Variants in RNF144B observed in about 807,000 individuals in gnomAD.
The protein encoded by RNF144B is ring finger protein 144B.
A neutral mutation model predicts 40.2 loss-of-function variants in RNF144B; 25 were observed. The observed-to-expected ratio is 0.62, with a 90% confidence interval of 0.45 to 0.87. The LOEUF (loss-of-function observed/expected upper bound fraction) is 0.87. Among genes scored for constraint, RNF144B ranks in the 40% least tolerant of loss-of-function variants. The pLI is 0.00. For missense variants in RNF144B, 365 were observed against 373.7 expected, an observed-to-expected ratio of 0.98 and a Z score of 0.19; for synonymous variants, 145 against 136.3, an observed-to-expected ratio of 1.06 and a Z score of -0.44.
At chr6:18,407,757 T>TC (rs1794942558) in intron 2 of RNF144B, among the ~76,000 whole-genome samples, 1 of 152,192 alleles carries the variant, frequency 6.6e-6, no homozygotes, top group Non-Finnish European at 1.5e-5. Context: ...ATGAAGGTTA[T>TC]CTTTTTTTTA....
chr6:18,409,965 ATTTC>A (rs1795001880), intron 2 of RNF144B, among the ~76,000 whole-genome samples: 1 of 152,134 alleles, frequency 6.6e-6, no homozygotes, highest in Non-Finnish European at 1.5e-5. Flanking sequence ...ACAGAATTTT[ATTTC>A]TTTTTACAAA....
In RNF144B at chr6:18,450,913, G is replaced by A. The variant is rs1197942161; in HGVS notation, c.332-6242G>A. Among the ~76,000 whole-genome samples the A allele has an allele frequency of 6.6e-6, 1 of 152,060 alleles. No homozygotes were observed. The highest frequency in any genetic ancestry group is 1.5e-5 in the Non-Finnish European group (1 of 68,000). On this transcript the variant is annotated intron_variant, in intron 4 of 7. Coordinates refer to ENST00000259939, the MANE Select transcript of RNF144B (RefSeq NM_182757.4). The surrounding 1 kb of genome is among the most constrained non-coding windows in gnomAD (Gnocchi z 4.7). ...TTGTAATCTAATGTCATTGTGTTTT[G>A]TCTCAGCATGTGTTTCCTGCTTTGT...
In RNF144B at chr6:18,444,947, C is replaced by T. The variant is rs188329052; in HGVS notation, c.331+5203C>T. On this transcript the variant is annotated intron_variant, in intron 4 of 7. Transcript: ENST00000259939. The surrounding 1 kb of genome is among the most constrained non-coding windows in gnomAD (Gnocchi z 4.3). ...TTATTTGTCCTTGGTGAAATGCTTCCACCCCAGCTTTTGTATCTGATCATA... is the reference window on the plus strand; with the variant it reads ...TTATTTGTCCTTGGTGAAATGCTTCTACCCCAGCTTTTGTATCTGATCATA... 2.6e-5 allele frequency among the ~76,000 whole-genome samples: 4 copies of T among 152,260 alleles called. No individual in the cohort carries two copies. Among genetic ancestry groups the T allele is most frequent in the Non-Finnish European group, 5.9e-5 (4 of 68,010 alleles).
rs948905011 is a variant in RNF144B, at chr6:18,412,204, C to T, written c.165+12505C>T. Among the ~76,000 whole-genome samples, 1 of 152,164 alleles carries T rather than the reference C, an allele frequency of 6.6e-6. No homozygotes were observed. Among genetic ancestry groups the T allele is most frequent in the African/African-American group, 2.4e-5 (1 of 41,438 alleles). On this transcript the variant is annotated intron_variant, in intron 2 of 7. Coordinates refer to ENST00000259939, the MANE Select transcript of RNF144B (RefSeq NM_182757.4). The surrounding 1 kb of genome is among the most constrained non-coding windows in gnomAD (Gnocchi z 4.2). ...GTTCCAAACTGTTGCACCAGCTTGG[C>T]AACTCCACCAACAGAGTAGGAACAG...
In RNF144B at chr6:18,456,832, G is replaced by GTA. The variant is rs1218573727; in HGVS notation, c.332-322_332-321dup. On this transcript the variant is annotated intron_variant, in intron 4 of 7. Coordinates refer to ENST00000259939, the MANE Select transcript of RNF144B (RefSeq NM_182757.4). This position sits in a 1 kb window ranked among gnomAD's most constrained non-coding sequence, Gnocchi z 4.7. ...AATCCCAGCACTTTGGGAGGCCAAGGTAGGCAGATCACCTGGGGTCAGGAA... is the reference window on the plus strand; with the variant it reads ...AATCCCAGCACTTTGGGAGGCCAAGGTATAGGCAGATCACCTGGGGTCAGGAA... Among the ~76,000 whole-genome samples, 2 of 152,176 alleles carry GTA rather than the reference G, an allele frequency of 1.3e-5. No individual in the cohort carries two copies. The highest frequency in any genetic ancestry group is 2.9e-5 in the Non-Finnish European group (2 of 68,046).
At chr6:18,393,820 T>C (rs567502246) in intron 1 of RNF144B, among the ~76,000 whole-genome samples, 22 of 152,286 alleles carry the variant, frequency 1.4e-4, no homozygotes, top group African/African-American at 5.1e-4. Context: ...TCCCCTTTGC[T>C]ACCTCCCTCC....
At chr6:18,411,497 A>ATATATTTTT (rs1795044946) in intron 2 of RNF144B, among the ~76,000 whole-genome samples, 4 of 29,788 alleles carry the variant, frequency 1.3e-4, no homozygotes, top group African/African-American at 2.8e-4. Flanking sequence ...ATATATATAT[A>ATATATTTTT]TTTTTTTTTT....
At chr6:18,449,931 T>A (rs1005009127) in intron 4 of RNF144B, among the ~76,000 whole-genome samples, 1 of 152,220 alleles carries the variant, frequency 6.6e-6, no homozygotes, top group African/African-American at 2.4e-5. Context: ...AGGTGCCTAC[T>A]GTGAATCAAA....
At position 18,464,314 on chromosome 6, in the gene RNF144B, A is replaced by G. The variant is rs1358887014; in HGVS notation, c.772-613A>G. ...AAGTAGAGAGAGAGCACCAATACCA[A>G]TAATTCATGACTATACTGAGCTTGC... On this transcript the variant is annotated intron_variant, in intron 7 of 7. Transcript: ENST00000259939. This position sits in a 1 kb window ranked among gnomAD's most constrained non-coding sequence, Gnocchi z 6.1. Among the ~76,000 whole-genome samples, 6 of 152,176 alleles carry G rather than the reference A, an allele frequency of 3.9e-5. No homozygotes were observed. The highest frequency in any genetic ancestry group is 9.7e-5 in the African/African-American group (4 of 41,426).
intron 1 of RNF144B, among the ~76,000 whole-genome samples, chr6:18,392,755 A>C (rs1244039566): frequency 6.6e-6 from 1 of 152,180 alleles, no homozygotes; most frequent in Non-Finnish European, 1.5e-5. Flanking sequence ...ACTTTCTTAC[A>C]TCTAAGACCT....
Position 18,465,051 on chromosome 6 carries a change from A to T in RNF144B, c.896A>T (p.Asp299Val). The T allele has an allele frequency of 1.2e-6, 2 of 1,613,610 alleles. No homozygotes were observed. The highest frequency in any genetic ancestry group is 1.7e-6 in the Non-Finnish European group (2 of 1,179,852). Residue 299 changes from aspartate to valine, a missense_variant, in exon 8 of 8, where the codon GAC becomes GTC. Physicochemically the swap from Asp to Val is radical, Grantham distance 152. Coordinates refer to ENST00000259939, the MANE Select transcript of RNF144B (RefSeq NM_182757.4). Reference protein sequence around the residue: ...KSCRGKKKKHDPSTT With the variant: ...KSCRGKKKKHVPSTT ...TGTCGGGGCAAGAAGAAAAAGCACG[A>T]CCCATCCACAACCTAAAGATCTCTG...
intron 3 of RNF144B, among the ~76,000 whole-genome samples, chr6:18,430,657 ATT>A (rs59026530): frequency 1.6e-4 from 24 of 148,172 alleles, no homozygotes; most frequent in Admixed American, 4.0e-4. Context: ...CTAATTTTTA[ATT>A]TTTTTTTTTT....
chr6:18,447,421 A>G lies in RNF144B; in HGVS notation c.331+7677A>G, dbSNP rs772786846. ...AAGTGTTAGTCAAGGGCCTGATCCC[A>G]TAGATTATGAAGATGAAGTCTTAGT... On this transcript the variant is annotated intron_variant, in intron 4 of 7. Transcript: ENST00000259939. The surrounding 1 kb of genome is among the most constrained non-coding windows in gnomAD (Gnocchi z 5.6). 8.5e-5 allele frequency among the ~76,000 whole-genome samples: 13 copies of G among 152,168 alleles called. No homozygotes were observed. The highest frequency in any genetic ancestry group is 1.3e-4 in the Non-Finnish European group (9 of 68,030).
At chr6:18,433,736 A>C (rs1758748740) in intron 3 of RNF144B, among the ~76,000 whole-genome samples, 1 of 152,168 alleles carries the variant, frequency 6.6e-6, no homozygotes, top group South Asian at 2.1e-4. Flanking sequence ...AGTGATGCCC[A>C]CATATGGTTT....
At chr6:18,390,415 A>G (rs569300675) in intron 1 of RNF144B, among the ~76,000 whole-genome samples, 47 of 152,338 alleles carry the variant, frequency 3.1e-4, no homozygotes, top group African/African-American at 1.1e-3. Flanking sequence ...ATGGATAACT[A>G]TATATTAAAT....
chr6:18,399,018 C>T (rs939997860), intron 1 of RNF144B, among the ~76,000 whole-genome samples: 3 of 152,280 alleles, frequency 2.0e-5, no homozygotes, highest in African/African-American at 7.2e-5. Context: ...ATGTTTTGCT[C>T]TATGTATATA....
At chr6:18,431,314 G>C (rs575500351) in intron 3 of RNF144B, among the ~76,000 whole-genome samples, 49 of 152,236 alleles carry the variant, frequency 3.2e-4, no homozygotes, top group Middle Eastern at 3.4e-3. Flanking sequence ...ACGTGGTAGT[G>C]GTAATTGATA....
At chr6:18,461,877 A>C (rs886517243) in intron 6 of RNF144B, among the ~76,000 whole-genome samples, 2 of 152,020 alleles carry the variant, frequency 1.3e-5, no homozygotes, top group Admixed American at 1.3e-4. Flanking sequence ...ACCAAACAGG[A>C]ATTTTGAGTG....
chr6:18,409,691 C>T (rs1272382931), intron 2 of RNF144B, among the ~76,000 whole-genome samples: 1 of 151,356 alleles, frequency 6.6e-6, no homozygotes, highest in African/African-American at 2.4e-5. Context: ...CTGCCTCAGC[C>T]TCCTGAGTAG....
Sources: gnomAD v4.1 joint callset for allele counts (sites outside exome capture counted in the v4.1 genomes callset) on GRCh38, gnomAD v4.1.1 for gene constraint, Gnocchi (gnomAD v3.1) non-coding constraint, MANE v1.5 for transcripts, NCBI Gene and HGNC (gene_info 2026-07-23, HGNC 2026-07-21) for gene names.